Variants in NLRP14 observed in about 807,000 individuals in gnomAD.
NLRP14 encodes NLR family pyrin domain containing 14, also known as NACHT, LRR and PYD domains-containing protein 14.
NLRP14 carries 105 observed loss-of-function variants against 94.7 expected under a neutral mutation model. The ratio of observed to expected loss-of-function variants is 1.11; its 90% confidence interval spans 0.95 to 1.30. The LOEUF is 1.30. Among genes scored for constraint, NLRP14 ranks in the 50% most tolerant of loss-of-function variants. The pLI is 0.00. For synonymous variants in NLRP14, 508 were observed against 459.9 expected (o/e 1.10, Z -1.34); for missense variants, 1,362 against 1,254.1 (o/e 1.09, Z -1.30).
At chr11:7,084,802 C>T in the NLRP14 span, among the ~76,000 whole-genome samples, 9 of 152,244 alleles carry the variant, frequency 5.9e-5, no homozygotes, top group South Asian at 1.9e-3. Flanking sequence ...TGTGGGAATC[C>T]CCAATTTGTA....
intron 1 of NLRP14, among the ~76,000 whole-genome samples, chr11:7,037,361 T>C (rs1034974772): frequency 1.3e-5 from 2 of 152,174 alleles, no homozygotes; most frequent in Admixed American, 1.3e-4. Context: ...TCACCTTCTG[T>C]TTAAAAGAAA....
In NLRP14 at chr11:7,043,876, T is replaced by C. The variant is rs757763305; in HGVS notation, c.1850T>C (p.Val617Ala). The change falls in exon 4 of 12, where the codon GTA becomes GCA. Residue 617 changes from valine (V) to alanine (A), a missense_variant. Transcript: ENST00000299481. ...ATTTGTGAGAAAATACATTTGCTTG[T>C]ATCTTCTTTCTGCCTTAAGCACTGC... ...INICEKIHLLVSSFCLKHCRC... is the reference protein window; with the variant it reads ...INICEKIHLLASSFCLKHCRC... 1 of 1,614,210 alleles carries C rather than the reference T, an allele frequency of 6.2e-7. No homozygotes were observed. The highest frequency in any genetic ancestry group is 8.5e-7 in the Non-Finnish European group (1 of 1,180,016).
At chr11:7,074,171 A>C (rs183388976), downstream of NLRP14, among the ~76,000 whole-genome samples, 1 of 152,206 alleles carries the variant, frequency 6.6e-6, no homozygotes. Flanking sequence ...ATATCCCCTG[A>C]GTCAATGTGG....
intron 1 of NLRP14, among the ~76,000 whole-genome samples, chr11:7,033,532 T>TTTTC (rs1852124016): frequency 6.6e-6 from 1 of 152,206 alleles, no homozygotes; most frequent in Admixed American, 6.5e-5. Flanking sequence ...AATATTACAT[T>TTTTC]TACATTTATT....
At chr11:7,049,527 G>A (rs1342497697) in intron 5 of NLRP14, 144 bp from the exon 6 acceptor site, 2 of 670,726 alleles carry the variant, frequency 3.0e-6, no homozygotes, top group East Asian at 5.5e-5. Flanking sequence ...AATAGAAATT[G>A]AAGTTATAAC....
intron 9 of NLRP14, 121 bp downstream of exon 9, chr11:7,060,185 T>G (rs552614168): frequency 4.4e-6 from 4 of 909,304 alleles, no homozygotes; most frequent in Non-Finnish European, 7.2e-6. Flanking sequence ...TGATTTTCCC[T>G]CTCTCTTCTG....
the NLRP14 span, among the ~76,000 whole-genome samples, chr11:7,086,236 C>A: frequency 1.3e-5 from 2 of 152,166 alleles, no homozygotes; most frequent in Non-Finnish European, 2.9e-5. Flanking sequence ...AATAACTATC[C>A]TAATTGATAT....
intron 6 of NLRP14, among the ~76,000 whole-genome samples, chr11:7,051,292 C>T (rs1361002411): frequency 1.3e-5 from 2 of 152,214 alleles, no homozygotes; most frequent in African/African-American, 4.8e-5. Flanking sequence ...GTCCTATTAA[C>T]ATTTCGTGTG....
intron 2 of NLRP14, 50 bp downstream of exon 2, chr11:7,038,925 C>G: frequency 6.4e-7 from 1 of 1,568,358 alleles, no homozygotes; most frequent in Non-Finnish European, 8.7e-7. Flanking sequence ...GGAAGTGTTT[C>G]CTGGAGCCCA....
the NLRP14 span, among the ~76,000 whole-genome samples, chr11:7,082,691 T>C: frequency 6.6e-6 from 1 of 152,248 alleles, no homozygotes; most frequent in East Asian, 1.9e-4. Context: ...TCTCCATTTA[T>C]ACAAATTTTT....
At chr11:7,034,227 C>T (rs190540833) in intron 1 of NLRP14, among the ~76,000 whole-genome samples, 17 of 152,280 alleles carry the variant, frequency 1.1e-4, no homozygotes, top group African/African-American at 3.4e-4. Flanking sequence ...AATATCAGTA[C>T]GGACTCATGG....
intron 4 of NLRP14, among the ~76,000 whole-genome samples, chr11:7,045,619 C>A (rs146804041): frequency 9.8e-4 from 149 of 152,112 alleles, no homozygotes; most frequent in African/African-American, 3.4e-3. Flanking sequence ...TTTAAGACCT[C>A]AAGTGATATA....
rs772118048 is a variant in NLRP14, at chr11:7,071,282, G to A, written c.3256G>A (p.Asp1086Asn). 48 of 1,613,486 alleles carry A rather than the reference G, an allele frequency of 3.0e-5. No homozygotes were observed. In the Middle Eastern group the frequency reaches 5.0e-4, roughly 17 times the overall value. ...AGATTGTAACTATCATAATGAAGAA[G>A]ATGTGTCTTGGTGGTGGTGTTTCTG... ...KPDCNYHNEE[D>N]VSWWWCF The change falls in exon 12 of 12, where the codon GAT becomes AAT. Residue 1086 changes from aspartate (D) to asparagine (N), a missense_variant. Asp to Asn is a conservative substitution (Grantham distance 23). Transcript: ENST00000299481.
chr11:7,045,312 A>G (rs1001353583), intron 4 of NLRP14, among the ~76,000 whole-genome samples: 15 of 152,224 alleles, frequency 9.9e-5, no homozygotes, highest in Non-Finnish European at 1.8e-4. Context: ...TTTTATGCCT[A>G]ATAGTAAATG....
chr11:7,071,243 T>C lies in NLRP14; in HGVS notation c.3217T>C (p.Leu1073=). The C allele has an allele frequency of 6.2e-7, 1 of 1,613,584 alleles. No homozygotes were observed. ...LEAVGVSNPH[L]IIKPDCNYHN... The stretch of plus-strand genomic sequence containing the variant: ...AGCTGTGGGAGTTAGCAATCCACAC[T>C]TAATCATTAAGCCAGATTGTAACTA... Residue 1073 remains leucine, a synonymous_variant, in exon 12 of 12, where the codon TTA becomes CTA. Coordinates refer to ENST00000299481, the MANE Select transcript of NLRP14 (RefSeq NM_176822.4).
At chr11:7,086,409 C>T in the NLRP14 span, among the ~76,000 whole-genome samples, 2 of 152,234 alleles carry the variant, frequency 1.3e-5, no homozygotes, top group African/African-American at 4.8e-5. Flanking sequence ...AATCTACCCT[C>T]CACACAGGTC....
At chr11:7,049,112 A>G (rs553666729) in intron 5 of NLRP14, among the ~76,000 whole-genome samples, 1 of 152,292 alleles carries the variant, frequency 6.6e-6, no homozygotes, top group South Asian at 2.1e-4. Flanking sequence ...TAGCAGAGAC[A>G]CTATAGAAGA....
At chr11:7,059,810 C>A in intron 8 of NLRP14, 84 bp from the exon 9 acceptor site, 1 of 1,201,380 alleles carries the variant, frequency 8.3e-7, no homozygotes, top group Non-Finnish European at 1.2e-6. Flanking sequence ...GATAAGGGAT[C>A]AAATCATGAA....
intron 1 of NLRP14, among the ~76,000 whole-genome samples, chr11:7,036,287 A>G (rs1416852645): frequency 6.6e-6 from 1 of 152,244 alleles, no homozygotes; most frequent in East Asian, 1.9e-4. Flanking sequence ...CTCTTTCTAA[A>G]AAGGTAAAAA....
Sources: gnomAD v4.1 joint callset for allele counts (sites outside exome capture counted in the v4.1 genomes callset) on GRCh38, gnomAD v4.1.1 for gene constraint, MANE v1.5 for transcripts, NCBI Gene and HGNC (gene_info 2026-07-23, HGNC 2026-07-21) for gene names.